The following MYO10 variants were observed in gnomAD, a reference collection of about 807,000 sequenced individuals.
MYO10 encodes the protein myosin X.
MYO10 carries 133 observed loss-of-function variants against 257.3 expected under a neutral mutation model. That is an observed-to-expected ratio of 0.52 (90% CI 0.45 to 0.60). The LOEUF (loss-of-function observed/expected upper bound fraction) is 0.60, where lower values mean the gene tolerates loss of function less well. Ranked by LOEUF, MYO10 falls within the 20% of genes least tolerant of loss-of-function variation. MYO10 has a pLI of 0.00. For synonymous variants in MYO10, 1,104 were observed against 1,028.6 expected (o/e 1.07, Z -1.40); for missense variants, 2,399 against 2,635.7 (o/e 0.91, Z 1.97).
At chr5:16,795,675 T>A (rs934334449) in intron 3 of MYO10, among the ~76,000 whole-genome samples, 2 of 152,144 alleles carry the variant, frequency 1.3e-5, no homozygotes, top group East Asian at 3.9e-4. Context: ...TTTATTTTTA[T>A]TTTTAATTTT....
At chr5:16,756,193 C>A (rs1470132402) in intron 18 of MYO10, among the ~76,000 whole-genome samples, 1 of 152,132 alleles carries the variant, frequency 6.6e-6, no homozygotes, top group Non-Finnish European at 1.5e-5. Context: ...CTACCTCAGC[C>A]TCCTGAGTAG....
intron 28 of MYO10, among the ~76,000 whole-genome samples, chr5:16,688,607 G>A (rs989733271): frequency 6.6e-6 from 1 of 152,084 alleles, no homozygotes; most frequent in Middle Eastern, 3.2e-3. Context: ...AGGCGTGGTG[G>A]TGCATGCCTG....
intron 2 of MYO10, among the ~76,000 whole-genome samples, chr5:16,844,778 G>C (rs561396277): frequency 2.1e-4 from 29 of 141,276 alleles, no homozygotes; most frequent in Non-Finnish European, 3.9e-4. Context: ...TCAATCAATA[G>C]ATTTTAAATC....
Position 16,763,650 on chromosome 5 carries a change from C to T in MYO10, c.1427+5G>A. ...AAATTGAAATGGAATTCTATGAGTG[C>T]TTACCGGCTATATTCTAGTTGTTCT... On this transcript the variant is annotated splice_donor_5th_base_variant and intron_variant, in intron 13 of 40. Coordinates refer to ENST00000513610, the MANE Select transcript of MYO10 (RefSeq NM_012334.3). 1.3e-6 allele frequency: 2 copies of T among 1,598,708 alleles called. No individual in the cohort carries two copies. Among genetic ancestry groups the T allele is most frequent in the East Asian group, 2.2e-5 (1 of 44,762 alleles).
Position 16,670,759 on chromosome 5 carries a change from A to G in MYO10, c.5650T>C (p.Phe1884Leu), listed in dbSNP as rs1315397939. 6.2e-7 allele frequency: 1 copy of G among 1,613,970 alleles called. No homozygotes were observed. The highest frequency in any genetic ancestry group is 8.5e-7 in the Non-Finnish European group (1 of 1,179,900). The change falls in exon 39 of 41, where the codon TTC becomes CTC. Residue 1884 changes from phenylalanine (F) to leucine (L), a missense_variant. Physicochemically the swap from Phe to Leu is conservative, Grantham distance 22. This residue lies in a region of MYO10 where 1,820 missense variants were observed against 1,939.4 expected (regional missense o/e 0.94). Coordinates refer to ENST00000513610, the MANE Select transcript of MYO10 (RefSeq NM_012334.3). Reference sequence around the variant, plus strand: ...CTCCGCCTCAGGGTCCCCTCTAGGAAGCTCGTCCGCCTCTTCTCCAGCCGT... The same window carrying G: ...CTCCGCCTCAGGGTCCCCTCTAGGAGGCTCGTCCGCCTCTTCTCCAGCCGT... Reference protein sequence around the residue: ...CERLEKRRTSFLEGTLRRSFR... With the variant: ...CERLEKRRTSLLEGTLRRSFR...
At position 16,851,966 on chromosome 5, in the gene MYO10, G is replaced by A. The variant is rs907173610; in HGVS notation, c.120+25643C>T. On this transcript the variant is annotated intron_variant, in intron 2 of 40. Transcript: ENST00000513610. ...CTCAGGAGGCTGAGACGGAAGAATC[G>A]CTTGAACCTGGGAGTTGGAGGTTGC... is the stretch of plus-strand genomic sequence containing the variant. Among the ~76,000 whole-genome samples the A allele has an allele frequency of 4.1e-5, 6 of 144,756 alleles. No individual in the cohort carries two copies. In the South Asian group the frequency reaches 8.7e-4, roughly 21 times the overall value. 95.0% of individuals were successfully genotyped at this position (144,756 alleles called of 152,430 possible).
intron 2 of MYO10, among the ~76,000 whole-genome samples, chr5:16,867,531 A>C (rs1222778661): frequency 6.6e-6 from 1 of 152,142 alleles, no homozygotes; most frequent in Non-Finnish European, 1.5e-5. Flanking sequence ...AGTGTGTGAA[A>C]ACAACCAAAA....
chr5:16,847,960 T>G (rs1743686204), intron 2 of MYO10, among the ~76,000 whole-genome samples: 1 of 152,162 alleles, frequency 6.6e-6, no homozygotes, highest in African/African-American at 2.4e-5. Flanking sequence ...ATGCAAGTGA[T>G]AGCCTAGAGA....
At chr5:16,900,146 G>T (rs1392496682) in intron 1 of MYO10, among the ~76,000 whole-genome samples, 1 of 151,904 alleles carries the variant, frequency 6.6e-6, no homozygotes, top group African/African-American at 2.4e-5. Context: ...CAACAGCAAT[G>T]TTTTCTAAAT....
At chr5:16,859,357 G>A (rs1744048778) in intron 2 of MYO10, among the ~76,000 whole-genome samples, 1 of 152,032 alleles carries the variant, frequency 6.6e-6, no homozygotes, top group Non-Finnish European at 1.5e-5. Flanking sequence ...CTTTTATATG[G>A]GCACTAACTC....
At chr5:16,906,136 C>T (rs369203741) in intron 1 of MYO10, among the ~76,000 whole-genome samples, 8 of 152,168 alleles carry the variant, frequency 5.3e-5, no homozygotes, top group Admixed American at 2.6e-4. Flanking sequence ...CCTGGCAGGA[C>T]GGCTGCTATC....
chr5:16,928,326 T>C (rs1746194090), intron 1 of MYO10, among the ~76,000 whole-genome samples: 1 of 152,058 alleles, frequency 6.6e-6, no homozygotes. Flanking sequence ...TTCCAAGTAG[T>C]TGCGATTACA....
intron 9 of MYO10, among the ~76,000 whole-genome samples, chr5:16,778,100 T>G (rs901378854): frequency 6.6e-6 from 1 of 152,004 alleles, no homozygotes; most frequent in Non-Finnish European, 1.5e-5. Context: ...TCCGCCTGCC[T>G]CACCCTCCCA....
intron 19 of MYO10, among the ~76,000 whole-genome samples, chr5:16,737,003 T>C (rs1344240897): frequency 2.0e-5 from 3 of 152,216 alleles, no homozygotes. Context: ...CATGGTCTTT[T>C]GCCAAACGGC....
chr5:16,663,087 T>C lies in MYO10; in HGVS notation c.*3605A>G, dbSNP rs922199228. 1 of 152,204 alleles carries C rather than the reference T, an allele frequency of 6.6e-6. No individual in the cohort carries two copies. Among genetic ancestry groups the C allele is most frequent in the Non-Finnish European group, 1.5e-5 (1 of 68,040 alleles). The allele number at this position is 152,204 out of a possible 1,614,324, so 9.4% of individuals were successfully genotyped here. The stretch of plus-strand genomic sequence containing the variant: ...CATCAAAAAGAATAAGGCAATTCTA[T>C]AGGTATTAATGTAGGATTAGAGCTA... On this transcript the variant is annotated 3_prime_UTR_variant, in exon 41 of 41. Transcript: ENST00000513610.
chr5:16,803,539 A>AT (rs1460514222), intron 3 of MYO10, among the ~76,000 whole-genome samples: 1 of 152,194 alleles, frequency 6.6e-6, no homozygotes, highest in South Asian at 2.1e-4. Context: ...AGGCACTGAT[A>AT]TTTTCAGGGA....
chr5:16,756,843 G>C (rs1740541459), intron 18 of MYO10, among the ~76,000 whole-genome samples: 1 of 152,100 alleles, frequency 6.6e-6, no homozygotes. Context: ...GCTCACGTCT[G>C]TAATTCCAGC....
intron 2 of MYO10, among the ~76,000 whole-genome samples, chr5:16,840,490 C>T (rs1215846930): frequency 6.6e-6 from 1 of 151,944 alleles, no homozygotes; most frequent in East Asian, 1.9e-4. Context: ...CCTGTGAAAT[C>T]CTTTGCACAT....
At position 16,848,662 on chromosome 5, in the gene MYO10, G is replaced by A. The variant is rs538078246; in HGVS notation, c.120+28947C>T. Reference sequence around the variant, plus strand: ...TGGCTGCCATTAGTAAACACCTGGCGATACCTCCCCGCTACGGATGGACGG... The same window carrying A: ...TGGCTGCCATTAGTAAACACCTGGCAATACCTCCCCGCTACGGATGGACGG... On this transcript the variant is annotated intron_variant, in intron 2 of 40. Transcript: ENST00000513610. 3.5e-4 allele frequency among the ~76,000 whole-genome samples: 53 copies of A among 152,148 alleles called. No homozygotes were observed. In the South Asian group the frequency reaches 9.8e-3, roughly 28 times the overall value.
Sources: gnomAD v4.1 joint callset for allele counts (sites outside exome capture counted in the v4.1 genomes callset) on GRCh38, gnomAD v4.1.1 for gene constraint, gnomAD v4.1.1 regional missense constraint, MANE v1.5 for transcripts, NCBI Gene and HGNC (gene_info 2026-07-23, HGNC 2026-07-21) for gene names.